RYR3: variants seen among roughly 807,000 people sequenced by gnomAD.
The protein encoded by RYR3 is ryanodine receptor 3, also known as brain ryanodine receptor-calcium release channel.
A neutral mutation model predicts 584.3 loss-of-function variants in RYR3; 207 were observed. The ratio of observed to expected loss-of-function variants is 0.35; its 90% CI spans 0.32 to 0.40. The LOEUF (loss-of-function observed/expected upper bound fraction) is 0.40, where lower values mean the gene tolerates loss of function less well. RYR3 is among the 10% of genes least tolerant of loss of function. RYR3 has a pLI of 1.00. For missense variants in RYR3, 5,616 were observed against 6,089.2 expected (o/e 0.92, Z 2.59); for synonymous variants, 2,416 against 2,248.5 (o/e 1.07, Z -2.11).
chr15:33,707,059 G>A lies in RYR3; in HGVS notation c.6619+5G>A. On this transcript the variant is annotated splice_donor_5th_base_variant and intron_variant, in intron 43 of 103. Transcript: ENST00000634891. ...GGTTTGCTGTCTTCGTGAACAGTGAGTCCCACATTTTTCCATACCTCTTAT... is the reference window on the plus strand; with the variant it reads ...GGTTTGCTGTCTTCGTGAACAGTGAATCCCACATTTTTCCATACCTCTTAT... 6.2e-7 allele frequency: 1 copy of A among 1,613,778 alleles called. No homozygotes were observed. Among genetic ancestry groups the A allele is most frequent in the Non-Finnish European group, 8.5e-7 (1 of 1,179,774 alleles).
chr15:33,373,230 G>A lies in RYR3; in HGVS notation c.51+62134G>A, dbSNP rs567269300. Among the ~76,000 whole-genome samples, 11 of 152,244 alleles carry A rather than the reference G, an allele frequency of 7.2e-5. No individual in the cohort carries two copies. The South Asian group carries it at 2.3e-3, about 32-fold the overall frequency. Reference sequence around the variant, plus strand: ...CCTAATTCATCAACTTCTATTTTAGGAATACATCTCCATATGGTGTTACAG... The same window carrying A: ...CCTAATTCATCAACTTCTATTTTAGAAATACATCTCCATATGGTGTTACAG... On this transcript the variant is annotated intron_variant, in intron 1 of 103. Transcript: ENST00000634891.
intron 99 of RYR3, chr15:33,858,880 A>G (rs2080019214): frequency 6.6e-6 from 1 of 152,494 alleles, no homozygotes; most frequent in Non-Finnish European, 1.5e-5. Flanking sequence ...CTTCTTGACG[A>G]AAAACTCTCC....
chr15:33,466,615 A>T (rs1017710282), intron 1 of RYR3, among the ~76,000 whole-genome samples: 1 of 152,332 alleles, frequency 6.6e-6, no homozygotes, highest in African/African-American at 2.4e-5. Flanking sequence ...TTCTCCTTCA[A>T]TCTGTTAACC....
At chr15:33,402,104 TG>T (rs1444960456) in intron 1 of RYR3, among the ~76,000 whole-genome samples, 1 of 152,154 alleles carries the variant, frequency 6.6e-6, no homozygotes, top group African/African-American at 2.4e-5. Flanking sequence ...CAGGTTGATT[TG>T]GGGGAAAGGA....
rs190404208 is a variant in RYR3 at position 33,527,313 on chromosome 15, G to C, written c.280-3279G>C. ...AAATACATTAAGGCCGGGCATGGTAGCTCACTCCTGTAATCCCAGCACTTT... is the reference window on the plus strand; with the variant it reads ...AAATACATTAAGGCCGGGCATGGTACCTCACTCCTGTAATCCCAGCACTTT... On this transcript the variant is annotated intron_variant, in intron 3 of 103. Transcript: ENST00000634891. Among the ~76,000 whole-genome samples the C allele has an allele frequency of 2.7e-3, 405 of 152,270 alleles. 4 individuals are homozygous for C. Among genetic ancestry groups the C allele is most frequent in the Non-Finnish European group, 3.5e-3 (236 of 68,024 alleles).
intron 29 of RYR3, among the ~76,000 whole-genome samples, 179 bp from the exon 30 acceptor site, chr15:33,647,245 C>T (rs957083261): frequency 6.6e-6 from 1 of 152,190 alleles, no homozygotes; most frequent in African/African-American, 2.4e-5. Flanking sequence ...CACATCCCTG[C>T]CTTGTGTTAA....
intron 1 of RYR3, chr15:33,473,202 C>T: frequency 1.5e-6 from 1 of 679,542 alleles, no homozygotes; most frequent in Non-Finnish European, 2.7e-6. Flanking sequence ...CCCCACTGAC[C>T]TCACTCCAGG....
chr15:33,686,691 A>G (rs1256303950), intron 38 of RYR3, among the ~76,000 whole-genome samples: 2 of 152,232 alleles, frequency 1.3e-5, no homozygotes, highest in African/African-American at 4.8e-5. Context: ...AATACTGGCA[A>G]ACTGAATCCA....
intron 61 of RYR3, among the ~76,000 whole-genome samples, 178 bp from the exon 62 acceptor site, chr15:33,768,934 C>A (rs946131353): frequency 6.8e-6 from 1 of 146,070 alleles, no homozygotes; most frequent in African/African-American, 2.5e-5. Context: ...TGACATCCAT[C>A]ATAAAGCAAG....
chr15:33,458,451 G>T (rs1481511897), intron 1 of RYR3, among the ~76,000 whole-genome samples: 8 of 152,190 alleles, frequency 5.3e-5, no homozygotes, highest in Non-Finnish European at 1.0e-4. Flanking sequence ...GCCTGCAGAG[G>T]CCACGTCGTG....
chr15:33,857,034 C>G (rs748356567), intron 98 of RYR3, among the ~76,000 whole-genome samples: 2 of 152,146 alleles, frequency 1.3e-5, no homozygotes, highest in African/African-American at 4.8e-5. Context: ...TCTGTATGAA[C>G]AATAACAAAA....
At position 33,372,358 on chromosome 15, in the gene RYR3, ATTTTTTTT is replaced by A. The variant is rs59663566; in HGVS notation, c.51+61280_51+61287del. ...AGATGCACTCTGCCATGCCCGGCTA[ATTTTTTTT>A]TTTTTTTTTTTTTTTTTGGAGGTGG... On this transcript the variant is annotated intron_variant, in intron 1 of 103. Transcript: ENST00000634891. 6.2e-3 allele frequency among the ~76,000 whole-genome samples: 469 copies of A among 75,596 alleles called. 3 individuals carry two copies. Among genetic ancestry groups the A allele is most frequent in the Middle Eastern group, 0.048 (5 of 104 alleles). 49.6% of individuals were successfully genotyped at this position (75,596 alleles called of 152,430 possible).
At chr15:33,602,733 CTTTTTTTTTTT>C (rs10578832) in intron 17 of RYR3, among the ~76,000 whole-genome samples, 4 of 75,196 alleles carry the variant, frequency 5.3e-5, no homozygotes, top group Non-Finnish European at 9.3e-5. Context: ...TTTTTCTAGT[CTTTTTTTTTTT>C]TTTTTTTTTT....
rs544313532 is a variant in RYR3, at chr15:33,696,785, G to A, written c.6134+294G>A. On this transcript the variant is annotated intron_variant, in intron 39 of 103. Transcript: ENST00000634891. ...AAACATCTGGAGGAAGGGACGGTGT[G>A]TTCAACCCAAGACAGAAATGATCTG... Among the ~76,000 whole-genome samples the A allele has an allele frequency of 3.3e-5, 5 of 152,274 alleles. 1 individual carries two copies. In the South Asian group the frequency reaches 1.0e-3, roughly 32 times the overall value.
Position 33,662,254 on chromosome 15 carries a change from G to T in RYR3, c.4724G>T (p.Arg1575Leu), listed in dbSNP as rs767831680. 1 of 1,609,900 alleles carries T rather than the reference G, an allele frequency of 6.2e-7. No individual in the cohort carries two copies. The highest frequency in any genetic ancestry group is 2.2e-5 in the East Asian group (1 of 44,730). ...GCGGTGTGCGCCCTGGGAAACAGCC[G>T]CGTGGCCTACGCCCTGTGCAGCCAC... is the stretch of plus-strand genomic sequence containing the variant. ...YSAVCALGNS[R>L]VAYALCSHVD... The change falls in exon 35 of 104, where the codon CGC becomes CTC. Residue 1575 changes from arginine to leucine, a missense_variant. Physicochemically the swap from Arg to Leu is moderately radical, Grantham distance 102. Transcript: ENST00000634891.
intron 1 of RYR3, among the ~76,000 whole-genome samples, chr15:33,325,853 G>C (rs1383730671): frequency 2.0e-5 from 3 of 151,464 alleles, no homozygotes; most frequent in Non-Finnish European, 4.4e-5. Context: ...CCAGGCTGGA[G>C]TGCAGTGGCA....
intron 1 of RYR3, among the ~76,000 whole-genome samples, chr15:33,391,570 G>A (rs927365642): frequency 6.6e-6 from 1 of 151,122 alleles, no homozygotes; most frequent in Non-Finnish European, 1.5e-5. Flanking sequence ...AACTTGCAGT[G>A]AGCCGAGATT....
intron 93 of RYR3, among the ~76,000 whole-genome samples, chr15:33,847,881 C>T (rs901734502): frequency 1.3e-5 from 2 of 152,164 alleles, no homozygotes; most frequent in African/African-American, 4.8e-5. Flanking sequence ...TGGAACATTT[C>T]ATCATATTCC....
chr15:33,692,834 T>A (rs1173907919), intron 38 of RYR3, among the ~76,000 whole-genome samples: 1 of 152,180 alleles, frequency 6.6e-6, no homozygotes, highest in African/African-American at 2.4e-5. Flanking sequence ...AATATTTGTT[T>A]GGATTTTTGA....
Sources: allele counts gnomAD v4.1 joint callset (sites outside exome capture counted in the v4.1 genomes callset), GRCh38; gene constraint gnomAD v4.1.1; transcripts MANE v1.5; gene names NCBI Gene and HGNC (gene_info 2026-07-23, HGNC 2026-07-21).